NFKB1: variants seen among roughly 807,000 people sequenced by gnomAD.
NFKB1 encodes nuclear factor kappa B subunit 1.
A neutral mutation model predicts 105.1 loss-of-function variants in NFKB1; 9 were observed. The ratio of observed to expected loss-of-function variants is 0.09; its 90% CI spans 0.05 to 0.15. The LOEUF (loss-of-function observed/expected upper bound fraction) is 0.15, where lower values mean the gene tolerates loss of function less well. NFKB1 is among the 10% of genes least tolerant of loss of function. The pLI is 1.00. For missense variants in NFKB1, 830 were observed against 1,203.7 expected, an observed-to-expected ratio of 0.69 and a Z score of 4.59; for synonymous variants, 440 against 442.2, an observed-to-expected ratio of 1.00 and a Z score of 0.06.
At chr4:102,602,786 T>G (rs1727302284) in intron 16 of NFKB1, among the ~76,000 whole-genome samples, 1 of 152,182 alleles carries the variant, frequency 6.6e-6, no homozygotes, top group Non-Finnish European at 1.5e-5. Flanking sequence ...ATAACTAGTA[T>G]GAAGTGTGAT....
chr4:102,519,302 TTA>T (rs1375830112), intron 1 of NFKB1, among the ~76,000 whole-genome samples: 2 of 147,728 alleles, frequency 1.4e-5, no homozygotes, highest in South Asian at 2.1e-4. Flanking sequence ...ATATTATATA[TTA>T]TATAAAATAT....
At chr4:102,555,372 GT>G (rs1722912509) in intron 5 of NFKB1, among the ~76,000 whole-genome samples, 1 of 152,168 alleles carries the variant, frequency 6.6e-6, no homozygotes, top group African/African-American at 2.4e-5. Context: ...TGTTCTAGGG[GT>G]TGGAAAAACA....
chr4:102,520,553 C>T (rs554373188), intron 1 of NFKB1, among the ~76,000 whole-genome samples: 50 of 152,228 alleles, frequency 3.3e-4, no homozygotes, highest in Middle Eastern at 3.4e-3. Context: ...GATCACATTG[C>T]ACCCAAATGA....
chr4:102,520,805 ATT>A (rs751664224), intron 1 of NFKB1, among the ~76,000 whole-genome samples: 1 of 152,162 alleles, frequency 6.6e-6, no homozygotes, highest in Non-Finnish European at 1.5e-5. Context: ...TCTTATGAAG[ATT>A]TCAGTAGTGC....
At chr4:102,502,426 A>G (rs1443712562) in intron 1 of NFKB1, among the ~76,000 whole-genome samples, 1 of 130,080 alleles carries the variant, frequency 7.7e-6, no homozygotes, top group Admixed American at 7.6e-5. Flanking sequence ...ACACACACAC[A>G]CGATATAGTC....
At chr4:102,593,219 G>C (rs1456729141) in intron 11 of NFKB1, 1 of 458,868 alleles carries the variant, frequency 2.2e-6, no homozygotes, top group Non-Finnish European at 3.9e-6. Context: ...GTACTGCTCT[G>C]TGGTCTCTCT....
At chr4:102,565,348 T>C (rs1327522942) in intron 5 of NFKB1, among the ~76,000 whole-genome samples, 1 of 152,166 alleles carries the variant, frequency 6.6e-6, no homozygotes, top group South Asian at 2.1e-4. Context: ...AGCTGCACAG[T>C]TGACTGTAGG....
intron 13 of NFKB1, among the ~76,000 whole-genome samples, chr4:102,595,734 T>C (rs1364698044): frequency 1.3e-5 from 2 of 152,212 alleles, no homozygotes; most frequent in African/African-American, 2.4e-5. Flanking sequence ...AATGGTACAC[T>C]GGATAACTCC....
chr4:102,575,970 A>G (rs1046798880), intron 6 of NFKB1, among the ~76,000 whole-genome samples: 1 of 152,206 alleles, frequency 6.6e-6, no homozygotes, highest in African/African-American at 2.4e-5. Context: ...GAGTGAATGA[A>G]TCTCCTTGGT....
rs780417051 is a variant in NFKB1, at chr4:102,529,864, A to G, written c.68A>G (p.His23Arg). 51 of 1,609,304 alleles carry G rather than the reference A, an allele frequency of 3.2e-5. No individual in the cohort carries two copies. The highest frequency in any genetic ancestry group is 4.1e-5 in the Non-Finnish European group (48 of 1,176,736). The change falls in exon 3 of 24, where the codon CAT (histidine) becomes CGT (arginine). Residue 23 changes from histidine (H) to arginine (R), a missense_variant. Physicochemically the swap from His to Arg is conservative, Grantham distance 29. Around this residue, in one of 8 missense-constraint regions of NFKB1, gnomAD observed 46 missense variants for 48.3 expected, o/e 0.95. Transcript: ENST00000226574. ...TTTCATTTGGATCCTTCTTTGACTC[A>G]TACAATATTTAATCCAGAAGTATTT... The part of the protein sequence containing the change: ...QMFHLDPSLT[H>R]TIFNPEVFQP...
chr4:102,579,085 C>T (rs751960728), intron 8 of NFKB1, 46 bp downstream of exon 8: 2 of 1,575,444 alleles, frequency 1.3e-6, no homozygotes, highest in Admixed American at 3.4e-5. Flanking sequence ...AATAGACTTC[C>T]AGCCCTGCCC....
In NFKB1 at chr4:102,580,583, C is replaced by T; in HGVS notation, c.779C>T (p.Ala260Val). The change falls in exon 9 of 24, where the codon GCT (alanine) becomes GTT (valine). Residue 260 changes from alanine to valine, a missense_variant. Ala to Val is a moderately conservative substitution (Grantham distance 64). Coordinates refer to ENST00000226574, the MANE Select transcript of NFKB1 (RefSeq NM_003998.4). The stretch of plus-strand genomic sequence containing the variant: ...AAAATTGTAAGAATGGACAGGACAG[C>T]TGGATGTGTGACTGGAGGGGAGGAA... The part of the protein sequence containing the change: ...NLKIVRMDRT[A>V]GCVTGGEEIY... 1 of 1,613,930 alleles carries T rather than the reference C, an allele frequency of 6.2e-7. No homozygotes were observed. The highest frequency in any genetic ancestry group is 8.5e-7 in the Non-Finnish European group (1 of 1,179,888).
At chr4:102,615,032 T>C (rs1277134648) in intron 23 of NFKB1, among the ~76,000 whole-genome samples, 1 of 152,170 alleles carries the variant, frequency 6.6e-6, no homozygotes, top group Non-Finnish European at 1.5e-5. Flanking sequence ...CCCAAATTCT[T>C]GCACGGCTCC....
At position 102,527,722 on chromosome 4, in the gene NFKB1, C is replaced by T. The variant is rs527714235; in HGVS notation, c.40-2114C>T. 3.3e-4 allele frequency among the ~76,000 whole-genome samples: 50 copies of T among 152,116 alleles called. No individual in the cohort carries two copies. The South Asian group carries it at 9.5e-3, about 29-fold the overall frequency. On this transcript the variant is annotated intron_variant, in intron 2 of 23. Transcript: ENST00000226574. ...ATTTGGCTAATTGTATTATCAAAAC[C>T]GTTTGTTTTACCTTTCGCTTTTATT...
At chr4:102,542,652 AG>A (rs1257535461) in intron 5 of NFKB1, among the ~76,000 whole-genome samples, 1 of 152,192 alleles carries the variant, frequency 6.6e-6, no homozygotes, top group African/African-American at 2.4e-5. Flanking sequence ...TTACTACATA[AG>A]AATGCATCTA....
intron 2 of NFKB1, among the ~76,000 whole-genome samples, chr4:102,528,766 A>T (rs1421301380): frequency 6.6e-6 from 1 of 152,194 alleles, no homozygotes; most frequent in Non-Finnish European, 1.5e-5. Context: ...ATTTATTAAG[A>T]TAAAATGTAC....
intron 6 of NFKB1, 55 bp downstream of exon 6, chr4:102,567,190 C>T: frequency 6.4e-7 from 1 of 1,574,338 alleles, no homozygotes; most frequent in Non-Finnish European, 8.7e-7. Flanking sequence ...ATATGGGATG[C>T]AGGAACTTAG....
intron 5 of NFKB1, among the ~76,000 whole-genome samples, chr4:102,552,483 A>G (rs899094790): frequency 6.6e-6 from 1 of 152,210 alleles, no homozygotes; most frequent in African/African-American, 2.4e-5. Context: ...AAAAATGACC[A>G]GGAAGACTAC....
intron 5 of NFKB1, among the ~76,000 whole-genome samples, chr4:102,563,042 T>G (rs1419938866): frequency 6.6e-6 from 1 of 152,184 alleles, no homozygotes; most frequent in East Asian, 1.9e-4. Flanking sequence ...AAATCCTGAT[T>G]CCTAGAAAAT....
Sources: gnomAD v4.1 joint callset for allele counts (sites outside exome capture counted in the v4.1 genomes callset) on GRCh38, gnomAD v4.1.1 for gene constraint, gnomAD v4.1.1 regional missense constraint, MANE v1.5 for transcripts, NCBI Gene and HGNC (gene_info 2026-07-23, HGNC 2026-07-21) for gene names.